CLDN10: variants seen among roughly 807,000 people sequenced by gnomAD.
CLDN10 encodes the protein claudin-10.
In CLDN10, 15 loss-of-function variants were observed where a neutral mutation model predicts 22.9. The ratio of observed to expected loss-of-function variants is 0.65; its 90% CI spans 0.44 to 1.01. The LOEUF (loss-of-function observed/expected upper bound fraction) is 1.01, where lower values mean the gene tolerates loss of function less well. CLDN10 is among the 50% of genes least tolerant of loss of function. CLDN10 has a pLI of 0.00. For synonymous variants in CLDN10, 114 were observed against 111.4 expected (o/e 1.02, Z -0.15); for missense variants, 247 against 287.8 (o/e 0.86, Z 1.03).
At chr13:95,510,470 G>A (rs980094) in intron 1 of CLDN10, among the ~76,000 whole-genome samples, 59,164 of 152,028 alleles carry the variant, frequency 0.39, 11,744 homozygotes, top group African/African-American at 0.45. Flanking sequence ...GCATCAATTA[G>A]AGACTGTTTG....
At chr13:95,504,161 G>A (rs768258665) in intron 1 of CLDN10, among the ~76,000 whole-genome samples, 1 of 152,134 alleles carries the variant, frequency 6.6e-6, no homozygotes, top group Non-Finnish European at 1.5e-5. Flanking sequence ...CACTGAAGAA[G>A]TATGACAATT....
upstream of CLDN10, among the ~76,000 whole-genome samples, chr13:95,551,089 C>T (rs1267048206): frequency 6.6e-6 from 1 of 152,024 alleles, no homozygotes; most frequent in Non-Finnish European, 1.5e-5. Flanking sequence ...TCTGCATTGT[C>T]ACCCTTGTAC....
In CLDN10 at chr13:95,578,589, G is replaced by A. The variant is rs1428812949; in HGVS notation, c.*575G>A. The A allele has an allele frequency of 6.6e-6, 1 of 152,192 alleles. No homozygotes were observed. The highest frequency in any genetic ancestry group is 1.5e-5 in the Non-Finnish European group (1 of 68,056). 9.4% of individuals were successfully genotyped at this position (152,192 alleles called of 1,614,324 possible). A position where few individuals can be genotyped will look rare whatever the true frequency, so the allele number is the denominator to read the frequency against. ...TATCTGGTAGAACTTAACTTCTACA[G>A]GATCAGAGAGGATCTTGCTCATTCA... On this transcript the variant is annotated 3_prime_UTR_variant, in exon 5 of 5. Transcript: ENST00000299339.
intron 1 of CLDN10, among the ~76,000 whole-genome samples, chr13:95,463,285 A>AAATATATATATAT (rs1491334890): frequency 0.022 from 865 of 40,026 alleles, 120 homozygotes; most frequent in Middle Eastern, 0.034. Flanking sequence ...GCAAATGCTT[A>AAATATATATATAT]ATATATATAT....
intron 1 of CLDN10, among the ~76,000 whole-genome samples, chr13:95,442,654 C>A (rs1034329682): frequency 2.6e-5 from 4 of 152,220 alleles, no homozygotes; most frequent in African/African-American, 9.6e-5. Context: ...GTTTGGTATG[C>A]CGGGCAGCCA....
intron 1 of CLDN10, among the ~76,000 whole-genome samples, chr13:95,542,248 T>C (rs2043467149): frequency 6.6e-6 from 1 of 152,122 alleles, no homozygotes; most frequent in Non-Finnish European, 1.5e-5. Context: ...AGGCCCCACC[T>C]CCAATACCGG....
At chr13:95,529,230 T>G (rs1289261899) in intron 1 of CLDN10, among the ~76,000 whole-genome samples, 3 of 152,174 alleles carry the variant, frequency 2.0e-5, no homozygotes, top group African/African-American at 7.2e-5. Flanking sequence ...ACAGATACTA[T>G]TGAGATCTCT....
At chr13:95,487,711 G>A (rs1476407883) in intron 1 of CLDN10, among the ~76,000 whole-genome samples, 1 of 152,128 alleles carries the variant, frequency 6.6e-6, no homozygotes, top group Non-Finnish European at 1.5e-5. Context: ...ATCTCACTCT[G>A]TTGCCCAGGG....
intron 1 of CLDN10, among the ~76,000 whole-genome samples, chr13:95,493,114 G>T (rs9302075): frequency 0.35 from 53,514 of 151,808 alleles, 10,230 homozygotes; most frequent in Admixed American, 0.42. Flanking sequence ...AGTTGATCTG[G>T]AGGGTTATTC....
At chr13:95,506,725 G>C (rs141805626) in intron 1 of CLDN10, among the ~76,000 whole-genome samples, 1 of 152,204 alleles carries the variant, frequency 6.6e-6, no homozygotes. Context: ...AACTTGGTGA[G>C]AGTTGTAGTC....
intron 1 of CLDN10, among the ~76,000 whole-genome samples, chr13:95,515,355 T>G (rs1040843578): frequency 6.6e-6 from 1 of 152,196 alleles, no homozygotes; most frequent in African/African-American, 2.4e-5. Context: ...TGCACCACCA[T>G]GCCCGGCTAA....
chr13:95,559,680 AC>A (rs2043679817), intron 1 of CLDN10, among the ~76,000 whole-genome samples: 1 of 152,076 alleles, frequency 6.6e-6, no homozygotes, highest in South Asian at 2.1e-4. Flanking sequence ...CCATTAAAAC[AC>A]CCTTTTAAAG....
At chr13:95,437,658 G>C (rs2042285211) in intron 1 of CLDN10, among the ~76,000 whole-genome samples, 1 of 152,190 alleles carries the variant, frequency 6.6e-6, no homozygotes, top group Admixed American at 6.5e-5. Flanking sequence ...CAAATAATGA[G>C]TGAGACTACA....
At chr13:95,534,641 A>T (rs1436890502) in intron 1 of CLDN10, among the ~76,000 whole-genome samples, 1 of 152,238 alleles carries the variant, frequency 6.6e-6, no homozygotes, top group African/African-American at 2.4e-5. Flanking sequence ...TACTACTAGT[A>T]GGAGTATTAC....
chr13:95,524,820 T>C (rs1055516827), intron 1 of CLDN10, among the ~76,000 whole-genome samples: 3 of 151,890 alleles, frequency 2.0e-5, no homozygotes, highest in African/African-American at 7.2e-5. Flanking sequence ...CACCAACATT[T>C]GTTATTTTGT....
chr13:95,464,643 T>C (rs2042567258), intron 1 of CLDN10, among the ~76,000 whole-genome samples: 1 of 152,154 alleles, frequency 6.6e-6, no homozygotes, highest in African/African-American at 2.4e-5. Flanking sequence ...AGACCCGTGA[T>C]TTTTATGGTC....
chr13:95,489,244 C>T (rs569760956), intron 1 of CLDN10, among the ~76,000 whole-genome samples: 3 of 152,236 alleles, frequency 2.0e-5, no homozygotes, highest in East Asian at 1.9e-4. Flanking sequence ...CCACCACGCC[C>T]GACCCTACTT....
intron 1 of CLDN10, among the ~76,000 whole-genome samples, chr13:95,439,529 T>C (rs1212376727): frequency 1.3e-5 from 2 of 152,068 alleles, no homozygotes; most frequent in Non-Finnish European, 2.9e-5. Context: ...AGACAGAGTT[T>C]TGCTGGGTTG....
chr13:95,558,620 C>T (rs1430450612), intron 1 of CLDN10, among the ~76,000 whole-genome samples: 1 of 152,146 alleles, frequency 6.6e-6, no homozygotes, highest in Non-Finnish European at 1.5e-5. Context: ...CAATTTCATT[C>T]TTTTCCAAAG....
Sources: gnomAD v4.1 joint callset for allele counts (sites outside exome capture counted in the v4.1 genomes callset) on GRCh38, gnomAD v4.1.1 for gene constraint, MANE v1.5 for transcripts, NCBI Gene and HGNC (gene_info 2026-07-23, HGNC 2026-07-21) for gene names.